Variants in NPAS3 observed in about 807,000 individuals in gnomAD.
NPAS3 encodes the protein neuronal PAS domain protein 3, also known as neuronal PAS domain-containing protein 3.
A neutral mutation model predicts 73.1 loss-of-function variants in NPAS3; 14 were observed. The observed-to-expected ratio is 0.19, with a 90% confidence interval of 0.13 to 0.30. NPAS3 has a LOEUF of 0.30. NPAS3 is among the 10% of genes least tolerant of loss of function. The pLI, the probability that NPAS3 is intolerant of heterozygous loss-of-function variation, is 1.00. For synonymous variants in NPAS3, 620 were observed against 541.5 expected (o/e 1.14, Z -2.01); for missense variants, 1,096 against 1,250.0 (o/e 0.88, Z 1.86).
intron 4 of NPAS3, among the ~76,000 whole-genome samples, chr14:33,430,414 C>A (rs1056483759): frequency 2.6e-5 from 4 of 152,102 alleles, no homozygotes; most frequent in African/African-American, 9.7e-5. Flanking sequence ...GTCTTTGGGT[C>A]ATTTATCATG....
chr14:33,642,271 C>G (rs2140187423), intron 5 of NPAS3, among the ~76,000 whole-genome samples: 1 of 152,194 alleles, frequency 6.6e-6, no homozygotes, highest in Non-Finnish European at 1.5e-5. Flanking sequence ...TTACCATTCC[C>G]CACCATCCCC....
intron 5 of NPAS3, chr14:33,612,661 G>A (rs1171058624): frequency 2.8e-6 from 1 of 358,260 alleles, no homozygotes; most frequent in African/African-American, 2.1e-5. Context: ...TTTTAAAGAT[G>A]TTCTTAATTG....
At chr14:33,501,028 T>C (rs1325839555) in intron 4 of NPAS3, among the ~76,000 whole-genome samples, 1 of 152,042 alleles carries the variant, frequency 6.6e-6, no homozygotes, top group Non-Finnish European at 1.5e-5. Flanking sequence ...GATGTTGTCT[T>C]TCTCTTTGAT....
chr14:33,534,745 T>C (rs1203693561), intron 4 of NPAS3, among the ~76,000 whole-genome samples: 1 of 151,926 alleles, frequency 6.6e-6, no homozygotes, highest in Non-Finnish European at 1.5e-5. Context: ...GTCTGAAGTT[T>C]CCACCGTGAC....
chr14:33,617,211 T>C (rs2057946313), intron 5 of NPAS3, among the ~76,000 whole-genome samples: 1 of 152,186 alleles, frequency 6.6e-6, no homozygotes, highest in Non-Finnish European at 1.5e-5. Context: ...GAAGCCTCCA[T>C]TGCAGCCAGC....
chr14:33,106,612 C>T (rs2042728963), intron 2 of NPAS3, among the ~76,000 whole-genome samples: 1 of 152,138 alleles, frequency 6.6e-6, no homozygotes, highest in South Asian at 2.1e-4. Flanking sequence ...GAGCCCTGCT[C>T]TTAAATGAGG....
intron 4 of NPAS3, among the ~76,000 whole-genome samples, chr14:33,411,839 A>G (rs1261709831): frequency 2.0e-5 from 3 of 150,554 alleles, no homozygotes; most frequent in Middle Eastern, 3.2e-3. Flanking sequence ...CTCAGTTTAG[A>G]TGTCATCTAC....
At chr14:33,103,567 G>A (rs538002097) in intron 2 of NPAS3, among the ~76,000 whole-genome samples, 1 of 152,270 alleles carries the variant, frequency 6.6e-6, no homozygotes, top group East Asian at 1.9e-4. Context: ...TTGCCAAAGA[G>A]CAATTGGCAA....
At chr14:33,801,049 C>T in exon 12 of NPAS3, 2 of 1,594,190 alleles carry the variant, frequency 1.3e-6, no homozygotes, top group Non-Finnish European at 1.7e-6. Context: ...CCACGCTGCC[C>T]TTCCCCGTCT....
chr14:33,486,063 A>T (rs2051578310), intron 4 of NPAS3, among the ~76,000 whole-genome samples: 1 of 152,136 alleles, frequency 6.6e-6, no homozygotes, highest in South Asian at 2.1e-4. Context: ...CCCAGGCAGA[A>T]TAACCAGGCC....
chr14:33,055,803 A>ATCAT, intron 1 of NPAS3, 102 bp from the exon 2 acceptor site: 2 of 597,184 alleles, frequency 3.3e-6, no homozygotes, highest in Non-Finnish European at 6.1e-6. Flanking sequence ...TCAAAAGCGT[A>ATCAT]AAAAGCAAAA....
chr14:32,936,444 C>T (rs780004516), upstream of NPAS3, among the ~76,000 whole-genome samples: 1 of 152,062 alleles, frequency 6.6e-6, no homozygotes, highest in Non-Finnish European at 1.5e-5. Flanking sequence ...ATCTGGGACT[C>T]TTTCAAACAT....
intron 3 of NPAS3, among the ~76,000 whole-genome samples, chr14:33,332,422 C>T (rs559185702): frequency 6.6e-6 from 1 of 152,206 alleles, no homozygotes; most frequent in Non-Finnish European, 1.5e-5. Flanking sequence ...AGTTAGACAC[C>T]TTGGAAAGCC....
At chr14:33,129,397 A>T (rs374737304) in intron 2 of NPAS3, among the ~76,000 whole-genome samples, 1 of 152,178 alleles carries the variant, frequency 6.6e-6, no homozygotes. Context: ...TAGCATATCC[A>T]AAAACTGCGG....
intron 2 of NPAS3, among the ~76,000 whole-genome samples, chr14:33,190,863 C>G (rs1402369458): frequency 6.6e-6 from 1 of 152,156 alleles, no homozygotes; most frequent in Admixed American, 6.5e-5. Flanking sequence ...TTGTCAAGGC[C>G]AAATTACAGC....
At chr14:32,975,750 T>TAAAC (rs1555313524) in intron 1 of NPAS3, among the ~76,000 whole-genome samples, 2 of 151,930 alleles carry the variant, frequency 1.3e-5, no homozygotes, top group Admixed American at 6.6e-5. Flanking sequence ...TGGTAGTTAA[T>TAAAC]AAAACAAAAC....
At chr14:33,395,559 T>C (rs924441077) in intron 4 of NPAS3, among the ~76,000 whole-genome samples, 2 of 152,112 alleles carry the variant, frequency 1.3e-5, no homozygotes, top group Admixed American at 6.6e-5. Context: ...TACATACATA[T>C]ATGCGTGTAT....
intron 4 of NPAS3, among the ~76,000 whole-genome samples, chr14:33,536,640 G>A (rs546691731): frequency 6.6e-6 from 1 of 151,462 alleles, no homozygotes; most frequent in South Asian, 2.1e-4. Flanking sequence ...TGGAGATGTT[G>A]CCCATTTGAG....
chr14:33,461,071 G>A (rs533508634), intron 4 of NPAS3, among the ~76,000 whole-genome samples: 2 of 152,250 alleles, frequency 1.3e-5, no homozygotes, highest in South Asian at 2.1e-4. Flanking sequence ...TGGTGCGGAC[G>A]ATACTAATAA....
Sources: gnomAD v4.1 joint callset for allele counts (sites outside exome capture counted in the v4.1 genomes callset) on GRCh38, gnomAD v4.1.1 for gene constraint, MANE v1.5 for transcripts, NCBI Gene and HGNC (gene_info 2026-07-23, HGNC 2026-07-21) for gene names.